The following USP14 variants were observed in gnomAD, a reference collection of about 807,000 sequenced individuals.
USP14 encodes the protein ubiquitin carboxyl-terminal hydrolase 14.
USP14 carries 38 observed loss-of-function variants against 76.5 expected under a neutral mutation model. The ratio of observed to expected loss-of-function variants is 0.50; its 90% CI spans 0.38 to 0.65. USP14 has a LOEUF of 0.65. Among genes scored for constraint, USP14 ranks in the 30% least tolerant of loss-of-function variants. The pLI is 0.00. For missense variants in USP14, 467 were observed against 586.5 expected (o/e 0.80, Z 2.10); for synonymous variants, 192 against 191.7 (o/e 1.00, Z -0.01).
At chr18:190,778 A>G (rs898607300) in intron 5 of USP14, among the ~76,000 whole-genome samples, 1 of 152,096 alleles carries the variant, frequency 6.6e-6, no homozygotes, top group African/African-American at 2.4e-5. Flanking sequence ...GATTCTCAGT[A>G]CTTTTGACTG....
chr18:180,545 A>G (rs1163329804), intron 5 of USP14, among the ~76,000 whole-genome samples: 1 of 152,150 alleles, frequency 6.6e-6, no homozygotes, highest in Non-Finnish European at 1.5e-5. Flanking sequence ...CGCCCCCTCC[A>G]AAAGCAGTGT....
chr18:213,764 A>ACTGT lies in USP14; in HGVS notation c.*2483_*2486dup, dbSNP rs1216305076. Reference sequence around the variant, plus strand: ...TGTGGGAACAAGAAAAGTCGGTGGTACTGTCTTCTGCTACTACTACTTAGT... The same window carrying ACTGT: ...TGTGGGAACAAGAAAAGTCGGTGGTACTGTCTGTCTTCTGCTACTACTACTTAGT... On this transcript the variant is annotated 3_prime_UTR_variant, in exon 16 of 16. Transcript: ENST00000261601. The ACTGT allele has an allele frequency of 1.4e-4, 21 of 152,406 alleles. No individual in the cohort carries two copies. Among genetic ancestry groups the ACTGT allele is most frequent in the African/African-American group, 4.3e-4 (18 of 41,572 alleles). 9.4% of individuals were successfully genotyped at this position (152,406 alleles called of 1,614,324 possible). A position where few individuals can be genotyped will look rare whatever the true frequency, so the allele number is the denominator to read the frequency against.
chr18:162,206 G>A (rs377614300), intron 1 of USP14, among the ~76,000 whole-genome samples: 16 of 152,288 alleles, frequency 1.1e-4, no homozygotes, highest in African/African-American at 3.8e-4. Flanking sequence ...GTAAACATGG[G>A]TGTACAAATA....
At chr18:202,985 CTGAAA>C in intron 11 of USP14, 40 bp downstream of exon 11, 1 of 1,608,560 alleles carries the variant, frequency 6.2e-7, no homozygotes, top group Admixed American at 1.7e-5. Flanking sequence ...TTCCGCTTCA[CTGAAA>C]TATTTCCAGT....
At chr18:160,908 G>A (rs1242250079) in intron 1 of USP14, among the ~76,000 whole-genome samples, 1 of 151,978 alleles carries the variant, frequency 6.6e-6, no homozygotes, top group Non-Finnish European at 1.5e-5. Context: ...ACAACATAAA[G>A]CCTTTACGTA....
chr18:195,607 A>G lies in USP14; in HGVS notation c.464-1030A>G, dbSNP rs556306387. Among the ~76,000 whole-genome samples, 10 of 152,218 alleles carry G rather than the reference A, an allele frequency of 6.6e-5. No homozygotes were observed. The South Asian group carries it at 2.1e-3, about 32-fold the overall frequency. On this transcript the variant is annotated intron_variant, in intron 6 of 15. Coordinates refer to ENST00000261601, the MANE Select transcript of USP14 (RefSeq NM_005151.4). ...ATGCTGCTGAGAGGGGTAAGTGGAAAGAAGGTTTTCTGAAGAAGGTAAATT... is the reference window on the plus strand; with the variant it reads ...ATGCTGCTGAGAGGGGTAAGTGGAAGGAAGGTTTTCTGAAGAAGGTAAATT...
intron 5 of USP14, among the ~76,000 whole-genome samples, chr18:182,523 A>G (rs1909813758): frequency 6.6e-6 from 1 of 152,222 alleles, no homozygotes; most frequent in Non-Finnish European, 1.5e-5. Flanking sequence ...GAGAAATTGC[A>G]TAGATTGCAG....
chr18:203,203 CT>C lies in USP14; in HGVS notation c.1035+16del. 1 of 1,597,984 alleles carries C rather than the reference CT, an allele frequency of 6.3e-7. No individual in the cohort carries two copies. Among genetic ancestry groups the C allele is most frequent in the Non-Finnish European group, 8.5e-7 (1 of 1,170,290 alleles). On this transcript the variant is annotated intron_variant, in intron 12 of 15. Transcript: ENST00000261601. Reference sequence around the variant, plus strand: ...CAAAGTTCTTAAGGTTAGTAATGAACTTTACTTTGTATAAGAAATGTAATTC... The same window carrying C: ...CAAAGTTCTTAAGGTTAGTAATGAACTTACTTTGTATAAGAAATGTAATTC...
intron 1 of USP14, 33 bp from the exon 2 acceptor site, chr18:163,275 T>G (rs774441789): frequency 2.0e-5 from 31 of 1,555,546 alleles, no homozygotes; most frequent in Non-Finnish European, 2.5e-5. Context: ...TCTTGTTATT[T>G]TTTAATTAAA....
chr18:173,421 G>GT (rs1427076006), intron 3 of USP14, among the ~76,000 whole-genome samples: 5 of 142,314 alleles, frequency 3.5e-5, no homozygotes, highest in Admixed American at 7.0e-5. Flanking sequence ...TATATTGTCT[G>GT]TTTTTTTGAG....
chr18:196,111 AG>A (rs1910225002), intron 6 of USP14, among the ~76,000 whole-genome samples: 2 of 152,092 alleles, frequency 1.3e-5, no homozygotes, highest in African/African-American at 4.8e-5. Context: ...TCACAAGGTC[AG>A]GAGTTCGAGA....
intron 5 of USP14, among the ~76,000 whole-genome samples, chr18:181,221 T>A (rs1048306183): frequency 6.6e-6 from 1 of 152,228 alleles, no homozygotes; most frequent in African/African-American, 2.4e-5. Context: ...ATGTTTTTTG[T>A]GTAGATGAAC....
intron 13 of USP14, among the ~76,000 whole-genome samples, chr18:207,036 A>AAACTTCATGTGTCTTTCTATTCATT (rs1555603127): frequency 1.4e-5 from 2 of 146,876 alleles, no homozygotes; most frequent in South Asian, 2.2e-4. Flanking sequence ...GCATGTGAAT[A>AAACTTCATGTGTCTTTCTATTCATT]TCTGGTTGTC....
At chr18:196,849 C>G in intron 7 of USP14, 82 bp downstream of exon 7, 10 of 1,535,220 alleles carry the variant, frequency 6.5e-6, no homozygotes, top group South Asian at 1.2e-5. Context: ...GAACATAGTT[C>G]GAAATATAAA....
chr18:171,621 T>C (rs1373816239), intron 3 of USP14, among the ~76,000 whole-genome samples: 1 of 152,198 alleles, frequency 6.6e-6, no homozygotes, highest in African/African-American at 2.4e-5. Context: ...TGAATGTTGT[T>C]TTCCTGTCTG....
intron 3 of USP14, among the ~76,000 whole-genome samples, chr18:174,268 CT>C (rs34265974): frequency 0.46 from 59,907 of 129,986 alleles, 12,243 homozygotes; most frequent in East Asian, 0.59. Flanking sequence ...GTTTTTCTTT[CT>C]TTTTTTTTTT....
At chr18:188,206 G>C (rs1315793180) in intron 5 of USP14, among the ~76,000 whole-genome samples, 2 of 151,770 alleles carry the variant, frequency 1.3e-5, no homozygotes, top group African/African-American at 4.8e-5. Flanking sequence ...AGGTTTGGTG[G>C]AAATATTCTT....
chr18:178,942 C>G lies in USP14; in HGVS notation c.205C>G (p.Leu69Val). 1 of 1,609,694 alleles carries G rather than the reference C, an allele frequency of 6.2e-7. No individual in the cohort carries two copies. Among genetic ancestry groups the G allele is most frequent in the Non-Finnish European group, 8.5e-7 (1 of 1,178,430 alleles). Residue 69 changes from leucine (L) to valine (V), a missense_variant, in exon 4 of 16, where the codon CTA becomes GTA. By Grantham distance (32) the Leu-to-Val change is conservative. Transcript: ENST00000261601. The stretch of plus-strand genomic sequence containing the variant: ...CTTTTTTTAAAAACAGGGAATGACT[C>G]TACTAATGATGGGGTCAGCAGATGC... Reference protein sequence around the residue: ...GNIKIKNGMTLLMMGSADALP... With the variant: ...GNIKIKNGMTVLMMGSADALP...
At chr18:209,018 G>T (rs1000218314) in intron 13 of USP14, among the ~76,000 whole-genome samples, 1 of 152,120 alleles carries the variant, frequency 6.6e-6, no homozygotes, top group Admixed American at 6.5e-5. Context: ...ACTATACCCG[G>T]CCTAAATTAT....
Sources: allele counts gnomAD v4.1 joint callset (sites outside exome capture counted in the v4.1 genomes callset), GRCh38; gene constraint gnomAD v4.1.1; transcripts MANE v1.5; gene names NCBI Gene and HGNC (gene_info 2026-07-23, HGNC 2026-07-21).